The following GALR1 variants were observed in gnomAD, a reference collection of about 807,000 sequenced individuals.
GALR1 encodes galanin receptor 1, also known as galanin receptor type 1.
GALR1 carries 11 observed loss-of-function variants against 17.9 expected under a neutral mutation model. That is an observed-to-expected ratio of 0.62 (90% confidence interval 0.39 to 1.02). The LOEUF (loss-of-function observed/expected upper bound fraction) is 1.02. GALR1 is among the 50% of genes least tolerant of loss of function. The pLI is 0.01. For synonymous variants in GALR1, 206 were observed against 205.7 expected (o/e 1.00, Z -0.01); for missense variants, 441 against 456.9 (o/e 0.97, Z 0.32).
In GALR1 at chr18:77,258,551, G is replaced by A. The variant is rs549105427; in HGVS notation, c.732+2328G>A. 1.0e-3 allele frequency among the ~76,000 whole-genome samples: 147 copies of A among 147,304 alleles called. 1 individual carries two copies. The highest frequency in any genetic ancestry group is 1.7e-3 in the Non-Finnish European group (112 of 67,410). ...TGATGGTGGCGATTGTGGTGGTGAT[G>A]GTGGTGGTCATAGTGGGGGTGGTGG... On this transcript the variant is annotated intron_variant, in intron 2 of 2. Transcript: ENST00000299727.
Position 77,258,924 on chromosome 18 carries a change from A to G in GALR1, c.732+2701A>G, listed in dbSNP as rs796299841. On this transcript the variant is annotated intron_variant, in intron 2 of 2. Transcript: ENST00000299727. The stretch of plus-strand genomic sequence containing the variant: ...GTGGTGGGCGGTAGTGGTGGTGATG[A>G]TGGTCATGGTGGTGATGATGGTGGT... Among the ~76,000 whole-genome samples, 677 of 102,514 alleles carry G rather than the reference A, an allele frequency of 6.6e-3. 13 individuals carry two copies. The highest frequency in any genetic ancestry group is 0.02 in the African/African-American group (532 of 26,200). 67.3% of individuals were successfully genotyped at this position (102,514 alleles called of 152,430 possible). A position where few individuals can be genotyped will look rare whatever the true frequency, so the allele number is the denominator to read the frequency against.
chr18:77,258,591 ATGGTGGTGGTCATGGTGGTGATGG>A (rs1912655149), intron 2 of GALR1, among the ~76,000 whole-genome samples: 4 of 9,650 alleles, frequency 4.1e-4, no homozygotes, highest in African/African-American at 1.2e-3. Context: ...CATGGTGGTG[ATGGTGGTGGTCATGGTGGTGATGG>A]TGGTGGTGGT....
chr18:77,268,555 C>CCTT (rs1912990802), intron 2 of GALR1, 30 bp from the exon 3 acceptor site: 1 of 1,551,930 alleles, frequency 6.4e-7, no homozygotes, highest in East Asian at 2.3e-5. Flanking sequence ...TCCTCCTCCT[C>CCTT]CTCCTCCTCC....
rs1280064840 is a variant in GALR1, at chr18:77,276,710, C to CT, written c.*7812dup. 2 of 152,140 alleles carry CT rather than the reference C, an allele frequency of 1.3e-5. No homozygotes were observed. The highest frequency in any genetic ancestry group is 4.8e-5 in the African/African-American group (2 of 41,438). The allele number at this position is 152,140 out of a possible 1,614,324, so 9.4% of individuals were successfully genotyped here. ...TAACCAATCAAATTGAGCAGATGGT[C>CT]TTTTAAAGTCTAAGCTTCTATGGTT... On this transcript the variant is annotated 3_prime_UTR_variant, in exon 3 of 3. Transcript: ENST00000299727.
At chr18:77,258,942 ATGGTGGT>A (rs1912714191) in intron 2 of GALR1, among the ~76,000 whole-genome samples, 1 of 110,330 alleles carries the variant, frequency 9.1e-6, no homozygotes, top group Non-Finnish European at 1.9e-5. Flanking sequence ...GGTGGTGATG[ATGGTGGT>A]CATGGTGGTC....
At chr18:77,263,610 A>AGTAGGATTTGT (rs1431835339) in intron 2 of GALR1, among the ~76,000 whole-genome samples, 2 of 151,964 alleles carry the variant, frequency 1.3e-5, no homozygotes, top group Admixed American at 6.6e-5. Context: ...TCTCCTGTCC[A>AGTAGGATTTGT]CCTCGCTAGT....
At chr18:77,258,570 G>GTGGTGGTGGTGATGGTGGTGA (rs1912651932) in intron 2 of GALR1, among the ~76,000 whole-genome samples, 9 of 145,662 alleles carry the variant, frequency 6.2e-5, no homozygotes, top group South Asian at 4.5e-4. Flanking sequence ...CATAGTGGGG[G>GTGGTGGTGGTGATGGTGGTGA]TGGTGGTGGT....
At chr18:77,268,062 G>T (rs982577568) in intron 2 of GALR1, among the ~76,000 whole-genome samples, 7 of 152,206 alleles carry the variant, frequency 4.6e-5, no homozygotes, top group African/African-American at 1.7e-4. Context: ...GACTGAAACT[G>T]AAATGAAACA....
At chr18:77,260,492 C>A (rs941342462) in intron 2 of GALR1, among the ~76,000 whole-genome samples, 20 of 152,310 alleles carry the variant, frequency 1.3e-4, no homozygotes, top group Admixed American at 1.2e-3. Flanking sequence ...TAATTACCAT[C>A]CAAAAGCCCC....
intron 1 of GALR1, among the ~76,000 whole-genome samples, chr18:77,251,716 C>G (rs1568138600): frequency 1.3e-5 from 2 of 152,166 alleles, no homozygotes; most frequent in Non-Finnish European, 2.9e-5. Flanking sequence ...GTGACGGGTC[C>G]CCACAGCTCC....
chr18:77,251,514 C>T (rs560612188), intron 1 of GALR1, among the ~76,000 whole-genome samples: 1 of 152,254 alleles, frequency 6.6e-6, no homozygotes, highest in East Asian at 1.9e-4. Flanking sequence ...CTCGGCCCTG[C>T]GGCCCTTCAA....
At chr18:77,264,316 T>A (rs773179738) in intron 2 of GALR1, among the ~76,000 whole-genome samples, 1 of 152,106 alleles carries the variant, frequency 6.6e-6, no homozygotes, top group Non-Finnish European at 1.5e-5. Flanking sequence ...GACAGTGCTG[T>A]CTCAGTCATG....
rs965687605 is a variant in GALR1, at chr18:77,276,688, C to G, written c.*7786C>G. 5 of 152,262 alleles carry G rather than the reference C, an allele frequency of 3.3e-5. 1 individual carries two copies. The highest frequency in any genetic ancestry group is 6.8e-3 in the Middle Eastern group (2 of 294). The allele number at this position is 152,262 out of a possible 1,614,324, so 9.4% of individuals were successfully genotyped here. On this transcript the variant is annotated 3_prime_UTR_variant, in exon 3 of 3. Coordinates refer to ENST00000299727, the MANE Select transcript of GALR1 (RefSeq NM_001480.4). ...GTGTCTGTATTTTCAGAGCAGATAA[C>G]CAATCAAATTGAGCAGATGGTCTTT...
At chr18:77,255,691 C>T (rs1912571041) in intron 1 of GALR1, among the ~76,000 whole-genome samples, 1 of 152,224 alleles carries the variant, frequency 6.6e-6, no homozygotes, top group Non-Finnish European at 1.5e-5. Flanking sequence ...CTGCTTTCCG[C>T]ATCAGATGGT....
Position 77,251,131 on chromosome 18 carries a change from C to T in GALR1, c.583C>T (p.Arg195Cys), listed in dbSNP as rs144563998. ...TFCWEQWPDP[R>C]HKKAYVVCTF... ...CTGCTGGGAGCAGTGGCCCGACCCT[C>T]GCCACAAGAAGGCCTACGTGGTGTG... Residue 195 changes from arginine to cysteine, a missense_variant, in exon 1 of 3, where the codon CGC becomes TGC. Transcript: ENST00000299727. The T allele has an allele frequency of 3.7e-6, 6 of 1,613,116 alleles. No individual in the cohort carries two copies. Among genetic ancestry groups the T allele is most frequent in the African/African-American group, 1.3e-5 (1 of 75,064 alleles).
rs1416548312 is a variant in GALR1 at position 77,270,187 on chromosome 18, A to G, written c.*1285A>G. The G allele has an allele frequency of 6.6e-6, 1 of 152,168 alleles. No individual in the cohort carries two copies. Among genetic ancestry groups the G allele is most frequent in the Non-Finnish European group, 1.5e-5 (1 of 68,026 alleles). 9.4% of individuals were successfully genotyped at this position (152,168 alleles called of 1,614,324 possible). ...ACTTTGATATGTTTTAGGAGGCAAC[A>G]AAAGCAAGAAGTTTTTTTTTTGTTT... is the stretch of plus-strand genomic sequence containing the variant. On this transcript the variant is annotated 3_prime_UTR_variant, in exon 3 of 3. Transcript: ENST00000299727.
At chr18:77,252,896 TCACCACCACCACCACCAC>T (rs1252635221) in intron 1 of GALR1, among the ~76,000 whole-genome samples, 38,107 of 79,492 alleles carry the variant, frequency 0.48, 7,841 homozygotes, top group Non-Finnish European at 0.51. Flanking sequence ...ACCACCACCA[TCACCACCACCACCACCAC>T]CACCACCATC....
intron 2 of GALR1, among the ~76,000 whole-genome samples, chr18:77,257,500 G>C (rs1912617466): frequency 6.6e-6 from 1 of 152,170 alleles, no homozygotes; most frequent in Non-Finnish European, 1.5e-5. Context: ...TATATGAATG[G>C]AATAAACCCT....
chr18:77,267,714 G>GTTTTCA (rs1353215414), intron 2 of GALR1, among the ~76,000 whole-genome samples: 1 of 152,220 alleles, frequency 6.6e-6, no homozygotes, highest in African/African-American at 2.4e-5. Context: ...CAAAGACAGA[G>GTTTTCA]TTTTCAATTA....
Sources: gnomAD v4.1 joint callset for allele counts (sites outside exome capture counted in the v4.1 genomes callset) on GRCh38, gnomAD v4.1.1 for gene constraint, MANE v1.5 for transcripts, NCBI Gene and HGNC (gene_info 2026-07-23, HGNC 2026-07-21) for gene names.